Variants in GALNTL6 observed in about 807,000 individuals in gnomAD.
The protein encoded by GALNTL6 is polypeptide N-acetylgalactosaminyltransferase-like 6.
In GALNTL6, 46 loss-of-function variants were observed where a neutral mutation model predicts 73.7. The ratio of observed to expected loss-of-function variants is 0.62; its 90% CI spans 0.49 to 0.80. The LOEUF (loss-of-function observed/expected upper bound fraction) is 0.80. GALNTL6 is among the 30% of genes least tolerant of loss of function. The pLI is 0.00. For synonymous variants in GALNTL6, 259 were observed against 263.7 expected (o/e 0.98, Z 0.17); for missense variants, 604 against 755.0 (o/e 0.80, Z 2.34).
At chr4:172,800,885 G>A (rs1014409058) in intron 5 of GALNTL6, among the ~76,000 whole-genome samples, 9 of 151,856 alleles carry the variant, frequency 5.9e-5, no homozygotes, top group South Asian at 2.1e-4. Flanking sequence ...TATATTCCCC[G>A]ATTTGGAGAA....
intron 5 of GALNTL6, among the ~76,000 whole-genome samples, chr4:172,438,621 C>A (rs553582444): frequency 6.6e-6 from 1 of 152,058 alleles, no homozygotes; most frequent in East Asian, 1.9e-4. Flanking sequence ...TTACTTTTTG[C>A]TTACTCTGTA....
intron 11 of GALNTL6, among the ~76,000 whole-genome samples, chr4:173,017,357 A>G (rs1422466687): frequency 6.6e-6 from 1 of 152,250 alleles, no homozygotes; most frequent in Non-Finnish European, 1.5e-5. Context: ...TCTTCTGTCA[A>G]TAAGAGCAGG....
chr4:172,785,714 G>A (rs532246604), intron 5 of GALNTL6, among the ~76,000 whole-genome samples: 132 of 152,264 alleles, frequency 8.7e-4, no homozygotes, highest in African/African-American at 3.1e-3. Flanking sequence ...TTAAATTCAT[G>A]TGACACTACA....
At chr4:171,910,302 A>G (rs938266942) in intron 2 of GALNTL6, among the ~76,000 whole-genome samples, 1 of 152,088 alleles carries the variant, frequency 6.6e-6, no homozygotes, top group Non-Finnish European at 1.5e-5. Flanking sequence ...ATGTTTTGAA[A>G]GTAGGTTTTG....
intron 1 of GALNTL6, among the ~76,000 whole-genome samples, chr4:171,814,192 G>A (rs768196240): frequency 6.6e-6 from 1 of 152,048 alleles, no homozygotes; most frequent in Non-Finnish European, 1.5e-5. Context: ...AACAACAACA[G>A]CAACAAAAAC....
chr4:172,063,333 A>G (rs1731263675), intron 2 of GALNTL6, among the ~76,000 whole-genome samples: 1 of 152,222 alleles, frequency 6.6e-6, no homozygotes, highest in Non-Finnish European at 1.5e-5. Flanking sequence ...ATTAAAGGCT[A>G]CCATAATTAG....
chr4:172,665,809 T>A (rs916381664), intron 5 of GALNTL6, among the ~76,000 whole-genome samples: 12 of 152,332 alleles, frequency 7.9e-5, no homozygotes, highest in African/African-American at 2.4e-4. Flanking sequence ...CTATGTTCAT[T>A]CTACTAATGA....
chr4:172,006,305 G>A (rs1740839989), intron 2 of GALNTL6, among the ~76,000 whole-genome samples: 1 of 152,110 alleles, frequency 6.6e-6, no homozygotes, highest in African/African-American at 2.4e-5. Flanking sequence ...CCTCTAAAGT[G>A]CTTTGAGCTT....
At chr4:172,393,699 G>A (rs1163716077) in intron 5 of GALNTL6, among the ~76,000 whole-genome samples, 2 of 152,132 alleles carry the variant, frequency 1.3e-5, no homozygotes, top group Non-Finnish European at 2.9e-5. Context: ...ATCCTGTTGT[G>A]TTCAATTAAA....
At position 171,966,038 on chromosome 4, in the gene GALNTL6, G is replaced by A. The variant is rs1739373149; in HGVS notation, c.138+151320G>A. On this transcript the variant is annotated intron_variant, in intron 2 of 12. Coordinates refer to ENST00000506823, the MANE Select transcript of GALNTL6 (RefSeq NM_001034845.3). ...AGCCTTGGTGATCAGGGAGAAGGGT[G>A]TCATCTCTTATCTTTCTATGACAGA... 2.6e-5 allele frequency among the ~76,000 whole-genome samples: 4 copies of A among 152,134 alleles called. No homozygotes were observed. In the South Asian group the frequency reaches 6.2e-4, roughly 24 times the overall value.
At chr4:172,384,966 ATT>A (rs960876015) in intron 5 of GALNTL6, among the ~76,000 whole-genome samples, 1 of 30,194 alleles carries the variant, frequency 3.3e-5, no homozygotes, top group East Asian at 9.7e-4. Context: ...TTATGTTGTA[ATT>A]TTGTGTGTGT....
chr4:171,814,648 C>G lies in GALNTL6; in HGVS notation c.68C>G (p.Pro23Arg). The G allele has an allele frequency of 6.2e-7, 1 of 1,614,046 alleles. No individual in the cohort carries two copies. Among genetic ancestry groups the G allele is most frequent in the Non-Finnish European group, 8.5e-7 (1 of 1,179,986 alleles). The stretch of plus-strand genomic sequence containing the variant: ...TTCACGGTGGCTTTAATTTTCCTGC[C>G]TAACGTTGGTCTCTGGTCTCTGTAC... ...LLFTVALIFL[P>R]NVGLWSLYKD... The change falls in exon 2 of 13, where the codon CCT becomes CGT. Residue 23 changes from proline (P) to arginine (R), a missense_variant. Transcript: ENST00000506823.
chr4:172,104,291 T>C (rs1333080191), intron 2 of GALNTL6, among the ~76,000 whole-genome samples: 1 of 152,084 alleles, frequency 6.6e-6, no homozygotes, highest in African/African-American at 2.4e-5. Flanking sequence ...GTGGAAAAAG[T>C]CCCTGTGAAT....
At chr4:171,843,335 C>A (rs1735289925) in intron 2 of GALNTL6, among the ~76,000 whole-genome samples, 1 of 151,976 alleles carries the variant, frequency 6.6e-6, no homozygotes, top group Non-Finnish European at 1.5e-5. Flanking sequence ...ACGAGAAGAT[C>A]TACAGAGCAA....
At chr4:172,353,019 G>C (rs1211805634) in intron 5 of GALNTL6, among the ~76,000 whole-genome samples, 1 of 152,132 alleles carries the variant, frequency 6.6e-6, no homozygotes, top group East Asian at 1.9e-4. Flanking sequence ...AGCAGCAGCA[G>C]CTTGAAGCTT....
At position 172,069,468 on chromosome 4, in the gene GALNTL6, CATATATGTTATATATA is replaced by C. The variant is rs1731449371; in HGVS notation, c.139-160186_139-160171del. Among the ~76,000 whole-genome samples, 2 of 49,638 alleles carry C rather than the reference CATATATGTTATATATA, an allele frequency of 4.0e-5. 1 individual carries two copies. Among genetic ancestry groups the C allele is most frequent in the Non-Finnish European group, 1.0e-4 (2 of 19,786 alleles). The allele number at this position is 49,638 out of a possible 152,430, so 32.6% of individuals were successfully genotyped here. A position where few individuals can be genotyped will look rare whatever the true frequency, so the allele number is the denominator to read the frequency against. ...TATGTAATATATAACACACATATAA[CATATATGTTATATATA>C]ACACATATGTTATATGTATAACACA... On this transcript the variant is annotated intron_variant, in intron 2 of 12. Transcript: ENST00000506823.
chr4:172,879,560 A>G (rs1745352738), intron 7 of GALNTL6, among the ~76,000 whole-genome samples: 1 of 151,960 alleles, frequency 6.6e-6, no homozygotes, highest in South Asian at 2.1e-4. Context: ...AAATTAAAAA[A>G]TATTTTGAAC....
chr4:172,400,067 G>C (rs1344070152), intron 5 of GALNTL6, among the ~76,000 whole-genome samples: 2 of 152,064 alleles, frequency 1.3e-5, no homozygotes, highest in Non-Finnish European at 2.9e-5. Flanking sequence ...ATTTTTCCAA[G>C]TGTTAGATTT....
chr4:172,515,863 T>C (rs1020435489), intron 5 of GALNTL6, among the ~76,000 whole-genome samples: 2 of 152,176 alleles, frequency 1.3e-5, no homozygotes. Flanking sequence ...CGGCATTCAT[T>C]GCAGTTAGAC....
Sources: allele counts gnomAD v4.1 joint callset (sites outside exome capture counted in the v4.1 genomes callset), GRCh38; gene constraint gnomAD v4.1.1; transcripts MANE v1.5; gene names NCBI Gene and HGNC (gene_info 2026-07-23, HGNC 2026-07-21).